Variants in SGK2 observed in about 807,000 individuals in gnomAD.
The protein encoded by SGK2 is serum/glucocorticoid regulated kinase 2.
Under a neutral mutation model 47.5 loss-of-function variants are expected in SGK2, and 36 were observed. The ratio of observed to expected loss-of-function variants is 0.76; its 90% CI spans 0.58 to 1.00. SGK2 has a LOEUF of 1.00. Among genes scored for constraint, SGK2 ranks in the 50% least tolerant of loss-of-function variants. SGK2 has a pLI of 0.00. For missense variants in SGK2, 404 were observed against 467.4 expected (o/e 0.86, Z 1.25); for synonymous variants, 157 against 181.9 (o/e 0.86, Z 1.10).
In SGK2 at chr20:43,571,063, T is replaced by TGGTG. The variant is rs201117385; in HGVS notation, c.510+4_510+7dup. The TGGTG allele has an allele frequency of 1.1e-5, 17 of 1,522,048 alleles. No homozygotes were observed. The highest frequency in any genetic ancestry group is 9.6e-5 in the African/African-American group (5 of 51,998). 94.3% of individuals were successfully genotyped at this position (1,522,048 alleles called of 1,614,324 possible). A position where few individuals can be genotyped will look rare whatever the true frequency, so the allele number is the denominator to read the frequency against. ...AGAACATTCTCTTGGACTGCCAGGT[T>TGGTG]GGTGTGTGTGTGTGTGTGTGTGTGT... On this transcript the variant is annotated splice_donor_region_variant and intron_variant, in intron 8 of 12. Coordinates refer to ENST00000373100, the MANE Select transcript of SGK2 (RefSeq NM_170693.3).
At chr20:43,573,962 G>A (rs989090907) in intron 9 of SGK2, among the ~76,000 whole-genome samples, 1 of 152,182 alleles carries the variant, frequency 6.6e-6, no homozygotes, top group African/African-American at 2.4e-5. Flanking sequence ...GTGTTGGGGG[G>A]CACAGGCAAG....
At chr20:43,564,004 CT>C (rs1352276211) in intron 1 of SGK2, among the ~76,000 whole-genome samples, 1 of 152,216 alleles carries the variant, frequency 6.6e-6, no homozygotes, top group Non-Finnish European at 1.5e-5. Flanking sequence ...TGTCCCTCCC[CT>C]GTAGTATACT....
intron 9 of SGK2, among the ~76,000 whole-genome samples, chr20:43,574,543 G>A (rs930425555): frequency 1.3e-5 from 2 of 152,222 alleles, no homozygotes; most frequent in Non-Finnish European, 2.9e-5. Flanking sequence ...ATTAGAAAAA[G>A]CACCCCTTGA....
intron 11 of SGK2, 24 bp from the exon 12 acceptor site, chr20:43,579,948 A>G: frequency 6.4e-7 from 1 of 1,574,176 alleles, no homozygotes; most frequent in South Asian, 1.1e-5. Flanking sequence ...TCTAACCAGA[A>G]CCTTTTTTCT....
At chr20:43,580,418 T>C (rs1258463425) in intron 12 of SGK2, among the ~76,000 whole-genome samples, 1 of 152,156 alleles carries the variant, frequency 6.6e-6, no homozygotes, top group African/African-American at 2.4e-5. Flanking sequence ...AAATGACATA[T>C]ATCCTTATAA....
At chr20:43,563,544 C>A (rs1377588088) in intron 1 of SGK2, among the ~76,000 whole-genome samples, 1 of 152,092 alleles carries the variant, frequency 6.6e-6, no homozygotes, top group Non-Finnish European at 1.5e-5. Context: ...GGACTGGAGA[C>A]AAGGAGTCCA....
chr20:43,579,998 C>T lies in SGK2; in HGVS notation c.876C>T (p.Phe292=), dbSNP rs1193276100. 2.9e-5 allele frequency: 46 copies of T among 1,613,390 alleles called. No homozygotes were observed. The highest frequency in any genetic ancestry group is 3.9e-5 in the Non-Finnish European group (46 of 1,179,614). The change falls in exon 12 of 13, where the codon TTC becomes TTT. Residue 292 remains phenylalanine (F), a synonymous_variant. Coordinates refer to ENST00000373100, the MANE Select transcript of SGK2 (RefSeq NM_170693.3). ...DFLEIKNHVF[F]SPINWDDLYH... Reference sequence around the variant, plus strand: ...TTGAGATTAAGAACCATGTATTCTTCAGCCCCATAAACTGGGATGACCTGT... The same window carrying T: ...TTGAGATTAAGAACCATGTATTCTTTAGCCCCATAAACTGGGATGACCTGT...
Position 43,583,168 on chromosome 20 carries a change from C to T in SGK2, c.940-1684C>T, listed in dbSNP as rs1483786863. The T allele has an allele frequency of 1.8e-5, 23 of 1,279,098 alleles. 1 individual carries two copies. The East Asian group carries it at 1.2e-3, about 68-fold the overall frequency. The allele number at this position is 1,279,098 out of a possible 1,614,324, so 79.2% of individuals were successfully genotyped here. On this transcript the variant is annotated intron_variant, in intron 12 of 12. Coordinates refer to ENST00000373100, the MANE Select transcript of SGK2 (RefSeq NM_170693.3). ...ACCTATTCATGAACTTGTCTTTGGG[C>T]ACTGGATCAGATAGGATACACTCGG...
chr20:43,561,887 C>T (rs760773107), intron 1 of SGK2, among the ~76,000 whole-genome samples: 9 of 152,072 alleles, frequency 5.9e-5, no homozygotes, highest in East Asian at 3.9e-4. Context: ...TCAGGCAGGG[C>T]GGTTGCAGCA....
intron 11 of SGK2, among the ~76,000 whole-genome samples, chr20:43,578,527 T>C (rs1285499010): frequency 6.6e-6 from 1 of 152,078 alleles, no homozygotes; most frequent in African/African-American, 2.4e-5. Context: ...GCAAACTACC[T>C]GGGTTCAGCA....
intron 12 of SGK2, among the ~76,000 whole-genome samples, chr20:43,580,914 T>C (rs1980755891): frequency 6.6e-6 from 1 of 151,840 alleles, no homozygotes; most frequent in Non-Finnish European, 1.5e-5. Flanking sequence ...CTCACTCTGT[T>C]GCCCAGGCTG....
Position 43,570,481 on chromosome 20 carries a change from A to G in SGK2, c.361-136A>G, listed in dbSNP as rs6103387. 1,348 of 595,350 alleles carry G rather than the reference A, an allele frequency of 2.3e-3. 17 individuals carry two copies. The African/African-American group carries it at 0.023, about 10-fold the overall frequency. The allele number at this position is 595,350 out of a possible 1,614,324, so 36.9% of individuals were successfully genotyped here. ...ACTGCTGTGTGGGGCAGGGGCCAGCATGCACTCTTTTGGTAGGAAGAATGC... is the reference window on the plus strand; with the variant it reads ...ACTGCTGTGTGGGGCAGGGGCCAGCGTGCACTCTTTTGGTAGGAAGAATGC... On this transcript the variant is annotated intron_variant, in intron 6 of 12. Transcript: ENST00000373100.
In SGK2 at chr20:43,569,407, G is replaced by A. The variant is rs569319046; in HGVS notation, c.251G>A (p.Arg84His). ...KKEQSHIMAE[R>H]SVLLKNVRHP... ...CAGCAGAGCCACATCATGGCAGAGCGCAGTGTGCTTCTGAAGAACGTGCGG... is the reference window on the plus strand; with the variant it reads ...CAGCAGAGCCACATCATGGCAGAGCACAGTGTGCTTCTGAAGAACGTGCGG... The change falls in exon 6 of 13, where the codon CGC (arginine) becomes CAC (histidine). Residue 84 changes from arginine to histidine, a missense_variant. Physicochemically the swap from Arg to His is conservative, Grantham distance 29 (BLOSUM62 0). Transcript: ENST00000373100. 268 of 1,613,818 alleles carry A rather than the reference G, an allele frequency of 1.7e-4. No individual in the cohort carries two copies. Among genetic ancestry groups the A allele is most frequent in the Non-Finnish European group, 2.1e-4 (249 of 1,180,020 alleles).
intron 1 of SGK2, among the ~76,000 whole-genome samples, chr20:43,563,861 C>A (rs1302239534): frequency 6.6e-6 from 1 of 152,220 alleles, no homozygotes; most frequent in Non-Finnish European, 1.5e-5. Context: ...AGATGGAAGG[C>A]TTTGATACTG....
chr20:43,584,435 C>T (rs1044004449), intron 12 of SGK2, among the ~76,000 whole-genome samples: 5 of 152,160 alleles, frequency 3.3e-5, no homozygotes, highest in African/African-American at 4.8e-5. Flanking sequence ...AGTCAATCTC[C>T]ACCATATCAC....
At chr20:43,559,583 C>G (rs974990467) in intron 1 of SGK2, among the ~76,000 whole-genome samples, 1 of 152,176 alleles carries the variant, frequency 6.6e-6, no homozygotes, top group Non-Finnish European at 1.5e-5. Context: ...ATGATAGTTC[C>G]TAACCCGTGG....
chr20:43,562,454 G>A lies in SGK2; in HGVS notation c.-24+3295G>A, dbSNP rs375199887. On this transcript the variant is annotated intron_variant, in intron 1 of 12. Transcript: ENST00000373100. ...AAAAAAAAAAAAAAAAGATTGAGAT[G>A]CTTTGGCTGGGCACGGTGGCTCACA... Among the ~76,000 whole-genome samples the A allele has an allele frequency of 2.0e-3, 288 of 145,830 alleles. 2 individuals are homozygous for A. The highest frequency in any genetic ancestry group is 6.6e-3 in the African/African-American group (259 of 39,292).
At chr20:43,560,697 C>T (rs896118461) in intron 1 of SGK2, among the ~76,000 whole-genome samples, 1 of 152,068 alleles carries the variant, frequency 6.6e-6, no homozygotes, top group Non-Finnish European at 1.5e-5. Context: ...TATTGTATCA[C>T]ATGTATGTTC....
At chr20:43,560,914 G>A (rs912373979) in intron 1 of SGK2, among the ~76,000 whole-genome samples, 8 of 152,180 alleles carry the variant, frequency 5.3e-5, no homozygotes, top group Non-Finnish European at 1.2e-4. Context: ...TCTAGTTGGA[G>A]ATAGAAAATA....
Sources: allele counts gnomAD v4.1 joint callset (sites outside exome capture counted in the v4.1 genomes callset), GRCh38; gene constraint gnomAD v4.1.1; transcripts MANE v1.5; gene names NCBI Gene and HGNC (gene_info 2026-07-23, HGNC 2026-07-21).